The following ALG9 variants were observed in gnomAD, a reference collection of about 807,000 sequenced individuals.
The protein encoded by ALG9 is ALG9 alpha-1,2-mannosyltransferase.
ALG9 carries 55 observed loss-of-function variants against 81.8 expected under a neutral mutation model. That is an observed-to-expected ratio of 0.67 (90% CI 0.54 to 0.84). The LOEUF (loss-of-function observed/expected upper bound fraction) is 0.84. Among genes scored for constraint, ALG9 ranks in the 40% least tolerant of loss-of-function variants. ALG9 has a pLI of 0.00. For synonymous variants in ALG9, 278 were observed against 274.3 expected, an observed-to-expected ratio of 1.01 and a Z score of -0.13; for missense variants, 629 against 745.0, an observed-to-expected ratio of 0.84 and a Z score of 1.81.
intron 14 of ALG9, among the ~76,000 whole-genome samples, chr11:111,800,464 G>C (rs1186790337): frequency 6.6e-6 from 1 of 152,142 alleles, no homozygotes; most frequent in Non-Finnish European, 1.5e-5. Context: ...CTGGGTGACA[G>C]AGCGAGACTC....
intron 5 of ALG9, among the ~76,000 whole-genome samples, chr11:111,859,765 A>G (rs1959376710): frequency 6.6e-6 from 1 of 152,060 alleles, no homozygotes; most frequent in African/African-American, 2.4e-5. Context: ...TATATTCAAT[A>G]AGGGAAAAGT....
chr11:111,820,835 G>C (rs1952214476), intron 13 of ALG9, among the ~76,000 whole-genome samples: 1 of 137,196 alleles, frequency 7.3e-6, no homozygotes, highest in Non-Finnish European at 1.6e-5. Flanking sequence ...GTAATCCTTT[G>C]GGAAGCTAAG....
intron 14 of ALG9, among the ~76,000 whole-genome samples, chr11:111,804,578 G>A (rs1555083430): frequency 1.3e-5 from 2 of 152,092 alleles, no homozygotes; most frequent in African/African-American, 2.4e-5. Context: ...GTGACAGAGC[G>A]AGACCCTGTC....
At chr11:111,815,769 T>C (rs1163059264) in intron 13 of ALG9, among the ~76,000 whole-genome samples, 4 of 152,210 alleles carry the variant, frequency 2.6e-5, no homozygotes, top group Non-Finnish European at 4.4e-5. Context: ...AATGAGATGA[T>C]TCATTTAAAT....
At position 111,783,271 on chromosome 11, in the gene ALG9, A is replaced by G. The variant is rs1555058296; in HGVS notation, c.*3126T>C. ...GGAGTTTAAGACCAGCCTGGCCAAC[A>G]TGGTAAAACCCCACCTCTACTAAAA... On this transcript the variant is annotated 3_prime_UTR_variant, in exon 15 of 15. Transcript: ENST00000616540. The G allele has an allele frequency of 6.6e-6, 1 of 152,260 alleles. No individual in the cohort carries two copies. The highest frequency in any genetic ancestry group is 1.5e-5 in the Non-Finnish European group (1 of 68,140). 9.4% of individuals were successfully genotyped at this position (152,260 alleles called of 1,614,324 possible).
At chr11:111,802,748 A>G (rs1341641012) in intron 14 of ALG9, among the ~76,000 whole-genome samples, 1 of 152,212 alleles carries the variant, frequency 6.6e-6, no homozygotes, top group Non-Finnish European at 1.5e-5. Flanking sequence ...AAAGTGAAGA[A>G]GAGAAAAAGC....
chr11:111,867,972 C>G (rs1963035564), intron 3 of ALG9, among the ~76,000 whole-genome samples: 1 of 152,128 alleles, frequency 6.6e-6, no homozygotes. Context: ...AAATTGAAAA[C>G]AGAGTCTCAA....
intron 10 of ALG9, 109 bp downstream of exon 10, chr11:111,840,546 G>T: frequency 7.7e-7 from 1 of 1,305,322 alleles, no homozygotes; most frequent in South Asian, 1.2e-5. Context: ...TTAATGTTAT[G>T]GATAAAATAT....
chr11:111,808,442 T>C (rs1422563078), intron 14 of ALG9, among the ~76,000 whole-genome samples: 1 of 152,194 alleles, frequency 6.6e-6, no homozygotes, highest in African/African-American at 2.4e-5. Flanking sequence ...TTCCTGCTAG[T>C]CCAGCTCTAA....
chr11:111,840,341 A>G (rs1252899275), intron 10 of ALG9, among the ~76,000 whole-genome samples: 3 of 152,192 alleles, frequency 2.0e-5, no homozygotes, highest in African/African-American at 7.2e-5. Flanking sequence ...AAGTTTTGTT[A>G]TGATCTAGCA....
At chr11:111,779,376 T>C (rs1945802863), downstream of ALG9, among the ~76,000 whole-genome samples, 1 of 152,174 alleles carries the variant, frequency 6.6e-6, no homozygotes, top group Non-Finnish European at 1.5e-5. Context: ...AAGGCGAGTA[T>C]GCCTGAAATC....
chr11:111,818,676 T>C (rs1177367387), intron 13 of ALG9, among the ~76,000 whole-genome samples: 1 of 152,214 alleles, frequency 6.6e-6, no homozygotes. Context: ...TTTACAATTA[T>C]ATTCTATTAA....
At chr11:111,792,168 T>C (rs1947536061) in intron 14 of ALG9, among the ~76,000 whole-genome samples, 1 of 152,254 alleles carries the variant, frequency 6.6e-6, no homozygotes, top group Admixed American at 6.5e-5. Context: ...TTTCTCTCAG[T>C]GCACCTGTGT....
intron 13 of ALG9, among the ~76,000 whole-genome samples, chr11:111,812,654 C>T (rs1368981490): frequency 5.3e-5 from 8 of 152,242 alleles, no homozygotes; most frequent in African/African-American, 1.4e-4. Flanking sequence ...CAGTGGCTTA[C>T]GCCTGTAATC....
intron 13 of ALG9, among the ~76,000 whole-genome samples, chr11:111,824,000 A>G (rs1304189550): frequency 3.3e-5 from 5 of 152,222 alleles, no homozygotes; most frequent in Non-Finnish European, 7.3e-5. Context: ...ACTGCAACTC[A>G]GTGAAGCCCA....
rs1487490728 is a variant in ALG9 at position 111,783,042 on chromosome 11, T to C, written c.*3355A>G. 1 of 152,194 alleles carries C rather than the reference T, an allele frequency of 6.6e-6. No individual in the cohort carries two copies. The highest frequency in any genetic ancestry group is 6.5e-5 in the Admixed American group (1 of 15,274). 9.4% of individuals were successfully genotyped at this position (152,194 alleles called of 1,614,324 possible). A position where few individuals can be genotyped will look rare whatever the true frequency, so the allele number is the denominator to read the frequency against. On this transcript the variant is annotated 3_prime_UTR_variant, in exon 15 of 15. Coordinates refer to ENST00000616540, the MANE Select transcript of ALG9 (RefSeq NM_024740.2). ...CCTACCGTGCAGACTGGTTCAGTAA[T>C]GGTACTCAGCATCACAAGATTTGGG...
chr11:111,847,676 T>C (rs1011432543), intron 8 of ALG9, among the ~76,000 whole-genome samples: 1 of 152,216 alleles, frequency 6.6e-6, no homozygotes, highest in Non-Finnish European at 1.5e-5. Flanking sequence ...CAGAGACATT[T>C]TGCCTAAGAC....
At chr11:111,805,757 G>A (rs1555084577) in intron 14 of ALG9, among the ~76,000 whole-genome samples, 1 of 152,190 alleles carries the variant, frequency 6.6e-6, no homozygotes, top group Non-Finnish European at 1.5e-5. Flanking sequence ...CCATAGAACT[G>A]TATAACACCA....
intron 14 of ALG9, among the ~76,000 whole-genome samples, chr11:111,801,511 C>A (rs544504234): frequency 6.6e-6 from 1 of 152,162 alleles, no homozygotes; most frequent in African/African-American, 2.4e-5. Flanking sequence ...AGAATGTAAA[C>A]GGACTTTCAT....
Sources: allele counts gnomAD v4.1 joint callset (sites outside exome capture counted in the v4.1 genomes callset), GRCh38; gene constraint gnomAD v4.1.1; transcripts MANE v1.5; gene names NCBI Gene and HGNC (gene_info 2026-07-23, HGNC 2026-07-21).